CPNE5: variants seen among roughly 807,000 people sequenced by gnomAD.
CPNE5 encodes copine-5.
CPNE5 carries 42 observed loss-of-function variants against 81.1 expected under a neutral mutation model. The ratio of observed to expected loss-of-function variants is 0.52; its 90% CI spans 0.40 to 0.67. The LOEUF (loss-of-function observed/expected upper bound fraction) is 0.67, where lower values mean the gene tolerates loss of function less well. CPNE5 is among the 30% of genes least tolerant of loss of function. The probability of loss-of-function intolerance (pLI) is 0.00; values close to 1 mark genes in which losing one functional copy is unlikely to be tolerated. For missense variants in CPNE5, 612 were observed against 815.5 expected (o/e 0.75, Z 3.04); for synonymous variants, 313 against 321.5 (o/e 0.97, Z 0.28).
intron 8 of CPNE5, among the ~76,000 whole-genome samples, chr6:36,785,917 G>A: frequency 6.7e-6 from 1 of 150,114 alleles, no homozygotes; most frequent in East Asian, 2.0e-4. Context: ...GGAGGCTGAG[G>A]CAGGAGAATT....
At chr6:36,820,475 G>A (rs1449539703) in intron 3 of CPNE5, among the ~76,000 whole-genome samples, 2 of 150,852 alleles carry the variant, frequency 1.3e-5, no homozygotes, top group African/African-American at 4.9e-5. Context: ...CCAAATAGCT[G>A]GGACTACAGG....
At chr6:36,838,821 T>G in intron 1 of CPNE5, 4 of 849,124 alleles carry the variant, frequency 4.7e-6, no homozygotes, top group Non-Finnish European at 5.7e-6. Context: ...GAGGGGAGGA[T>G]CAGGATGCTG....
At position 36,744,976 on chromosome 6, in the gene CPNE5, T is replaced by G. The variant is rs927703023; in HGVS notation, c.1431+72A>C. 4.7e-6 allele frequency: 5 copies of G among 1,066,470 alleles called. No individual in the cohort carries two copies. In the African/African-American group the frequency reaches 6.2e-5, roughly 13 times the overall value. The allele number at this position is 1,066,470 out of a possible 1,614,324, so 66.1% of individuals were successfully genotyped here. A position where few individuals can be genotyped will look rare whatever the true frequency, so the allele number is the denominator to read the frequency against. ...CCCTAAGGTCAAGGAGGTAGGCACATCCCCAGGGTTCCCCTAACGGGGAGG... is the reference window on the plus strand; with the variant it reads ...CCCTAAGGTCAAGGAGGTAGGCACAGCCCCAGGGTTCCCCTAACGGGGAGG... On this transcript the variant is annotated intron_variant, in intron 18 of 20. Transcript: ENST00000244751.
chr6:36,746,402 G>A lies in CPNE5; in HGVS notation c.1194C>T (p.Phe398=). Residue 398 remains phenylalanine (F), a synonymous_variant, in exon 16 of 21, where the codon TTC becomes TTT. Coordinates refer to ENST00000244751, the MANE Select transcript of CPNE5 (RefSeq NM_020939.2). This position sits in a 1 kb window ranked among gnomAD's most constrained non-coding sequence, Gnocchi z 4.5. ...LPPDGRVSHE[F]PLNGNQENPS... ...CACCAGCGGGACCACCTACCAGTGG[G>A]AACTCGTGGGACACTCTGCCATCCG... The A allele has an allele frequency of 6.2e-7, 1 of 1,609,358 alleles. No individual in the cohort carries two copies. The highest frequency in any genetic ancestry group is 1.7e-5 in the Admixed American group (1 of 59,616).
chr6:36,813,961 G>T (rs1353323836), intron 3 of CPNE5, among the ~76,000 whole-genome samples: 1 of 152,160 alleles, frequency 6.6e-6, no homozygotes, highest in African/African-American at 2.4e-5. Flanking sequence ...ACCCACAAAG[G>T]TCTCTTAGCC....
intron 15 of CPNE5, 59 bp downstream of exon 15, chr6:36,748,160 TGC>T: frequency 1.4e-6 from 2 of 1,478,088 alleles, no homozygotes; most frequent in Non-Finnish European, 1.9e-6. Context: ...CAGGGCCAGA[TGC>T]CACAGCCCTT....
Position 36,746,671 on chromosome 6 carries a change from A to T in CPNE5, c.1019-94T>A. On this transcript the variant is annotated intron_variant, in intron 15 of 20. Coordinates refer to ENST00000244751, the MANE Select transcript of CPNE5 (RefSeq NM_020939.2). The surrounding 1 kb of genome is among the most constrained non-coding windows in gnomAD (Gnocchi z 4.5). ...AAGGGGGTGTCCAAGGGCACCCCTA[A>T]CTTTTATTAATTCTTGACTCCTCTC... 2.8e-6 allele frequency: 3 copies of T among 1,088,668 alleles called. No homozygotes were observed. Among genetic ancestry groups the T allele is most frequent in the South Asian group, 3.0e-5 (2 of 67,716 alleles). 67.4% of individuals were successfully genotyped at this position (1,088,668 alleles called of 1,614,324 possible). A position where few individuals can be genotyped will look rare whatever the true frequency, so the allele number is the denominator to read the frequency against.
chr6:36,808,441 C>T (rs1342415845), intron 3 of CPNE5, among the ~76,000 whole-genome samples: 5 of 152,130 alleles, frequency 3.3e-5, no homozygotes, highest in African/African-American at 1.2e-4. Flanking sequence ...TCCTCATCAC[C>T]CACCAGCTGG....
At chr6:36,839,521 C>A, upstream of CPNE5, 1 of 587,262 alleles carries the variant, frequency 1.7e-6, no homozygotes. The surrounding 1 kb of genome is among the most constrained non-coding windows in gnomAD (Gnocchi z 7.3). Context: ...GAAGAGGGGG[C>A]GTGGGAAGTG....
At position 36,766,478 on chromosome 6, in the gene CPNE5, G is replaced by A. The variant is rs1230164210; in HGVS notation, c.738-1102C>T. ...CTGTAAACCAGCACTCCTGTACAAT[G>A]AGGCAGGCATGGAAGCCCACCATTT... is the stretch of plus-strand genomic sequence containing the variant. On this transcript the variant is annotated intron_variant, in intron 10 of 20. Transcript: ENST00000244751. This position sits in a 1 kb window ranked among gnomAD's most constrained non-coding sequence, Gnocchi z 4.2. 1.3e-5 allele frequency among the ~76,000 whole-genome samples: 2 copies of A among 152,218 alleles called. No homozygotes were observed. Among genetic ancestry groups the A allele is most frequent in the Admixed American group, 6.5e-5 (1 of 15,280 alleles).
intron 11 of CPNE5, among the ~76,000 whole-genome samples, chr6:36,764,080 AC>A (rs1291143515): frequency 3.9e-5 from 2 of 50,834 alleles, no homozygotes; most frequent in Non-Finnish European, 9.2e-5. Flanking sequence ...CTGGGGCCCC[AC>A]CCCCCCACCC....
rs565660093 is a variant in CPNE5, at chr6:36,827,355, C to T, written c.96-4257G>A. The T allele has an allele frequency of 7.5e-4, 737 of 985,386 alleles. 1 individual carries two copies. The highest frequency in any genetic ancestry group is 1.6e-3 in the Middle Eastern group (3 of 1,914). The allele number at this position is 985,386 out of a possible 1,614,324, so 61.0% of individuals were successfully genotyped here. A position where few individuals can be genotyped will look rare whatever the true frequency, so the allele number is the denominator to read the frequency against. On this transcript the variant is annotated intron_variant, in intron 1 of 20. Transcript: ENST00000244751. ...TGGCTTTGGACGGGTGGCTTCACCC[C>T]GTGAACAATGGGCCTCGCACTTCTG...
At chr6:36,778,539 C>G (rs577352982) in intron 9 of CPNE5, among the ~76,000 whole-genome samples, 8 of 152,276 alleles carry the variant, frequency 5.3e-5, no homozygotes, top group African/African-American at 1.7e-4. Context: ...GACTGGCCCC[C>G]TATTCCTGCC....
chr6:36,793,335 C>T (rs554722647), intron 7 of CPNE5, among the ~76,000 whole-genome samples: 21 of 152,304 alleles, frequency 1.4e-4, no homozygotes, highest in Admixed American at 5.2e-4. Context: ...TCCCCTGCCA[C>T]GGACAGGGGA....
chr6:36,742,354 G>C lies in CPNE5; in HGVS notation c.1696C>G (p.Arg566Gly), dbSNP rs375106654. 1 of 1,613,190 alleles carries C rather than the reference G, an allele frequency of 6.2e-7. No individual in the cohort carries two copies. The highest frequency in any genetic ancestry group is 1.3e-5 in the African/African-American group (1 of 75,050). ...SYMKAQGIRP[R>G]PPPAAPTHSP... Reference sequence around the variant, plus strand: ...TGGGTTGGTGCTGCGGGTGGGGGACGCGGGCGAATGCCCTGTGCCTTCATG... The same window carrying C: ...TGGGTTGGTGCTGCGGGTGGGGGACCCGGGCGAATGCCCTGTGCCTTCATG... The change falls in exon 21 of 21, where the codon CGT becomes GGT. Residue 566 changes from arginine to glycine, a missense_variant. Transcript: ENST00000244751.
At chr6:36,803,916 G>C (rs573559191) in intron 3 of CPNE5, among the ~76,000 whole-genome samples, 3 of 152,166 alleles carry the variant, frequency 2.0e-5, no homozygotes, top group Non-Finnish European at 4.4e-5. Context: ...CTAGGTGATC[G>C]TAATGTGCAG....
intron 10 of CPNE5, among the ~76,000 whole-genome samples, chr6:36,767,421 G>T (rs958833288): frequency 6.6e-6 from 1 of 152,168 alleles, no homozygotes; most frequent in African/African-American, 2.4e-5. Flanking sequence ...CCAGTGACTT[G>T]CCTAGAGTCA....
At chr6:36,794,673 G>C (rs200481478) in intron 6 of CPNE5, 24 bp from the exon 7 acceptor site, 47 of 1,612,076 alleles carry the variant, frequency 2.9e-5, no homozygotes, top group Non-Finnish European at 3.7e-5. Context: ...GGGGGAGAGA[G>C]AGCATGCCAT....
intron 14 of CPNE5, among the ~76,000 whole-genome samples, chr6:36,749,211 C>G (rs1764528331): frequency 6.6e-6 from 1 of 151,932 alleles, no homozygotes; most frequent in Non-Finnish European, 1.5e-5. Context: ...GCTGGGATTA[C>G]AGGTGTGAGC....
Sources: allele counts gnomAD v4.1 joint callset (sites outside exome capture counted in the v4.1 genomes callset), GRCh38; gene constraint gnomAD v4.1.1; non-coding constraint Gnocchi (gnomAD v3.1); transcripts MANE v1.5; gene names NCBI Gene and HGNC (gene_info 2026-07-23, HGNC 2026-07-21).